Variants in SLC39A12 observed in about 807,000 individuals in gnomAD.
The protein encoded by SLC39A12 is zinc transporter ZIP12.
In SLC39A12, 63 loss-of-function variants were observed where a neutral mutation model predicts 71.1. The ratio of observed to expected loss-of-function variants is 0.89; its 90% confidence interval spans 0.72 to 1.09. SLC39A12 has a LOEUF of 1.09. SLC39A12 is among the 50% of genes least tolerant of loss of function. The pLI, the probability that SLC39A12 is intolerant of heterozygous loss-of-function variation, is 0.00. For missense variants in SLC39A12, 892 were observed against 812.6 expected, an observed-to-expected ratio of 1.10 and a Z score of -1.19; for synonymous variants, 351 against 301.3, an observed-to-expected ratio of 1.16 and a Z score of -1.71.
At position 18,036,420 on chromosome 10, in the gene SLC39A12, G is replaced by A. The variant is rs1443566668; in HGVS notation, c.1948-6285G>A. Among the ~76,000 whole-genome samples, 5 of 151,972 alleles carry A rather than the reference G, an allele frequency of 3.3e-5. No homozygotes were observed. The East Asian group carries it at 7.8e-4, about 24-fold the overall frequency. ...GGGAGTGACCCGATTTTCCAGGTGC[G>A]TCCGTCACCCCTTTCTTTGACTAGG... On this transcript the variant is annotated intron_variant, in intron 12 of 12. Coordinates refer to ENST00000377369, the MANE Select transcript of SLC39A12 (RefSeq NM_001145195.2).
rs575126393 is a variant in SLC39A12 at position 18,016,368 on chromosome 10, C to A, written c.1947+13010C>A. Among the ~76,000 whole-genome samples, 3 of 152,024 alleles carry A rather than the reference C, an allele frequency of 2.0e-5. No individual in the cohort carries two copies. In the East Asian group the frequency reaches 5.8e-4, roughly 29 times the overall value. On this transcript the variant is annotated intron_variant, in intron 12 of 12. Transcript: ENST00000377369. ...GAGTTTCCTCTGTCTTTTTACAGTT[C>A]GATAGTTCATTTCTTTTTAGTGCTG...
intron 11 of SLC39A12, 31 bp from the exon 12 acceptor site, chr10:18,003,140 A>G: frequency 6.3e-7 from 1 of 1,594,952 alleles, no homozygotes; most frequent in Non-Finnish European, 8.5e-7. Flanking sequence ...ATTAAATGAT[A>G]ATTATATTTT....
At position 18,020,676 on chromosome 10, in the gene SLC39A12, A is replaced by C. The variant is rs575347400; in HGVS notation, c.1947+17318A>C. 2.0e-5 allele frequency among the ~76,000 whole-genome samples: 3 copies of C among 152,096 alleles called. No homozygotes were observed. The South Asian group carries it at 6.2e-4, about 32-fold the overall frequency. ...TAATTGCCATTCTAATGGGTATGAG[A>C]TGGTGTGTCATTGTGGTTTTGATTT... is the stretch of plus-strand genomic sequence containing the variant. On this transcript the variant is annotated intron_variant, in intron 12 of 12. Transcript: ENST00000377369.
intron 12 of SLC39A12, among the ~76,000 whole-genome samples, chr10:18,019,290 T>C (rs56274640): frequency 0.095 from 14,485 of 152,076 alleles, 920 homozygotes; most frequent in Middle Eastern, 0.14. Flanking sequence ...CTCCTTTTTT[T>C]TGTTAGCCTA....
intron 5 of SLC39A12, among the ~76,000 whole-genome samples, chr10:17,978,523 A>T (rs1408712674): frequency 6.6e-6 from 1 of 152,140 alleles, no homozygotes; most frequent in South Asian, 2.1e-4. Context: ...TATTGTATTC[A>T]ACTGCAGGTG....
At chr10:18,018,210 T>C (rs1836435834) in intron 12 of SLC39A12, among the ~76,000 whole-genome samples, 1 of 152,214 alleles carries the variant, frequency 6.6e-6, no homozygotes, top group Non-Finnish European at 1.5e-5. Context: ...AGAAAGGCAG[T>C]TGACTTTTGA....
chr10:17,993,231 A>T lies in SLC39A12; in HGVS notation c.1473A>T (p.Ala491=), dbSNP rs1000565358. 3.2e-6 allele frequency: 5 copies of T among 1,551,872 alleles called. No individual in the cohort carries two copies. Among genetic ancestry groups the T allele is most frequent in the Non-Finnish European group, 4.4e-6 (5 of 1,147,000 alleles). The change falls in exon 9 of 13, where the codon GCA becomes GCT. Residue 491 remains alanine (A), a synonymous_variant. Coordinates refer to ENST00000377369, the MANE Select transcript of SLC39A12 (RefSeq NM_001145195.2). ...ACGTGGGTCATTCCCACCATCTTGC[A>T]CTCAACTCTGAATTAAGTGACCAGG... ...NGHVGHSHHL[A]LNSELSDQAG...
Position 17,953,255 on chromosome 10 carries a change from T to C in SLC39A12, c.-22T>C. 1 of 1,611,034 alleles carries C rather than the reference T, an allele frequency of 6.2e-7. No individual in the cohort carries two copies. Among genetic ancestry groups the C allele is most frequent in the Non-Finnish European group, 8.5e-7 (1 of 1,178,248 alleles). ...ACACTCACCTCCATCCAAGACAGAC[T>C]CAAGGTGGAGGAAGCGTGGAAATGT... is the stretch of plus-strand genomic sequence containing the variant. On this transcript the variant is annotated 5_prime_UTR_variant, in exon 2 of 13. Transcript: ENST00000377369.
chr10:17,997,565 A>C (rs562686402), intron 10 of SLC39A12, among the ~76,000 whole-genome samples: 1 of 152,234 alleles, frequency 6.6e-6, no homozygotes, highest in East Asian at 1.9e-4. Flanking sequence ...AGAGGATGCT[A>C]GATTAGGGAG....
chr10:18,042,616 G>C, intron 12 of SLC39A12, 89 bp from the exon 13 acceptor site: 1 of 1,334,114 alleles, frequency 7.5e-7, no homozygotes, highest in Non-Finnish European at 1.0e-6. Context: ...ATTAAGTTCT[G>C]AATAACAGTC....
intron 4 of SLC39A12, among the ~76,000 whole-genome samples, chr10:17,973,420 C>G (rs1448442299): frequency 6.6e-6 from 1 of 152,034 alleles, no homozygotes; most frequent in African/African-American, 2.4e-5. Flanking sequence ...TAGGACTGGT[C>G]TAGAATTAAT....
chr10:17,964,340 A>G (rs1337457016), intron 3 of SLC39A12, among the ~76,000 whole-genome samples: 1 of 152,232 alleles, frequency 6.6e-6, no homozygotes, highest in Non-Finnish European at 1.5e-5. Flanking sequence ...GGTTGTAAAT[A>G]TGTTCCTGCC....
rs564194520 is a variant in SLC39A12, at chr10:17,987,750, A to G, written c.1269+99A>G. 386 of 1,288,992 alleles carry G rather than the reference A, an allele frequency of 3.0e-4. 1 individual carries two copies. The highest frequency in any genetic ancestry group is 3.8e-4 in the Middle Eastern group (2 of 5,242). The allele number at this position is 1,288,992 out of a possible 1,614,324, so 79.8% of individuals were successfully genotyped here. On this transcript the variant is annotated intron_variant, in intron 7 of 12. Transcript: ENST00000377369. The stretch of plus-strand genomic sequence containing the variant: ...GCAAAATTTTACTGAGACTTCAAAG[A>G]GAGAGTATCGTGGCTGGTGTTTTCC...
chr10:18,018,818 A>T (rs145981014), intron 12 of SLC39A12, among the ~76,000 whole-genome samples: 1 of 152,146 alleles, frequency 6.6e-6, no homozygotes, highest in East Asian at 1.9e-4. Flanking sequence ...TATTTTTGAG[A>T]AGCGTTGGTC....
chr10:17,955,714 G>A (rs868960797), intron 2 of SLC39A12, among the ~76,000 whole-genome samples: 1 of 152,172 alleles, frequency 6.6e-6, no homozygotes, highest in African/African-American at 2.4e-5. Flanking sequence ...TGTATAAAAA[G>A]TGAATTTTTT....
intron 12 of SLC39A12, among the ~76,000 whole-genome samples, chr10:18,017,692 A>G (rs1376189999): frequency 6.6e-6 from 1 of 152,162 alleles, no homozygotes; most frequent in Non-Finnish European, 1.5e-5. Context: ...AGATCAGCTC[A>G]CTGTATATAG....
intron 1 of SLC39A12, among the ~76,000 whole-genome samples, chr10:17,952,698 A>G (rs1446434226): frequency 3.9e-5 from 6 of 152,088 alleles, no homozygotes; most frequent in Non-Finnish European, 8.8e-5. Context: ...CATATTGGCC[A>G]GGCTGGTCTC....
Position 17,978,400 on chromosome 10 carries a change from T to C in SLC39A12, c.924+326T>C, listed in dbSNP as rs12245489. On this transcript the variant is annotated intron_variant, in intron 5 of 12. Transcript: ENST00000377369. ...CATCCTGGGCATGAGAGATACAATGTTGAACAAAAATAGGCACATATTTTT... is the reference window on the plus strand; with the variant it reads ...CATCCTGGGCATGAGAGATACAATGCTGAACAAAAATAGGCACATATTTTT... 6.2e-3 allele frequency among the ~76,000 whole-genome samples: 944 copies of C among 152,312 alleles called. 12 individuals carry two copies. Among genetic ancestry groups the C allele is most frequent in the African/African-American group, 0.022 (897 of 41,568 alleles).
chr10:17,976,816 T>G (rs1564643986), intron 4 of SLC39A12, among the ~76,000 whole-genome samples: 1 of 152,222 alleles, frequency 6.6e-6, no homozygotes, highest in Non-Finnish European at 1.5e-5. Flanking sequence ...TTTGATATGC[T>G]TCTTGAACAC....
Sources: gnomAD v4.1 joint callset for allele counts (sites outside exome capture counted in the v4.1 genomes callset) on GRCh38, gnomAD v4.1.1 for gene constraint, MANE v1.5 for transcripts, NCBI Gene and HGNC (gene_info 2026-07-23, HGNC 2026-07-21) for gene names.